The following TRIM63 variants were observed in gnomAD, a reference collection of about 807,000 sequenced individuals.
The protein encoded by TRIM63 is tripartite motif containing 63, also known as E3 ubiquitin-protein ligase TRIM63.
In TRIM63, 48 loss-of-function variants were observed where a neutral mutation model predicts 46.0. The ratio of observed to expected loss-of-function variants is 1.04; its 90% confidence interval spans 0.83 to 1.33. TRIM63 has a LOEUF of 1.33. Ranked by LOEUF, TRIM63 falls within the 40% of genes most tolerant of loss-of-function variation. The pLI is 0.00. For missense variants in TRIM63, 455 were observed against 441.2 expected (o/e 1.03, Z -0.28); for synonymous variants, 175 against 162.8 (o/e 1.08, Z -0.57).
intron 2 of TRIM63, among the ~76,000 whole-genome samples, chr1:26,062,539 T>C (rs1009051450): frequency 3.6e-4 from 55 of 152,218 alleles, no homozygotes; most frequent in Non-Finnish European, 7.3e-5. Context: ...GTATGCCCCA[T>C]GTCATGGTGA....
intron 2 of TRIM63, among the ~76,000 whole-genome samples, chr1:26,062,740 C>A (rs919709525): frequency 1.8e-4 from 28 of 152,142 alleles, no homozygotes; most frequent in African/African-American, 6.8e-4. Context: ...CATTTCCTAA[C>A]CTAGATTCAT....
At chr1:26,057,164 G>A (rs1259480905) in intron 7 of TRIM63, 39 bp downstream of exon 7, 3 of 1,602,216 alleles carry the variant, frequency 1.9e-6, no homozygotes, top group African/African-American at 1.3e-5. Flanking sequence ...CCAGGGGTCA[G>A]GCAGGCAAAT....
At position 26,061,273 on chromosome 1, in the gene TRIM63, T is replaced by C. The variant is rs760750291; in HGVS notation, c.394A>G (p.Ile132Val). The change falls in exon 3 of 9, where the codon ATC becomes GTC. Residue 132 changes from isoleucine to valine, a missense_variant. Physicochemically the swap from Ile to Val is conservative, Grantham distance 29. Coordinates refer to ENST00000374272, the MANE Select transcript of TRIM63 (RefSeq NM_032588.4). ...CKEHEDEKIN[I>V]YCLTCEVPTC... Reference sequence around the variant, plus strand: ...GGCACCTCACACGTGAGACAGTAGATGTTGATTTTCTCATCTTCGTGCTCC... The same window carrying C: ...GGCACCTCACACGTGAGACAGTAGACGTTGATTTTCTCATCTTCGTGCTCC... 29 of 1,614,040 alleles carry C rather than the reference T, an allele frequency of 1.8e-5. No homozygotes were observed. The highest frequency in any genetic ancestry group is 2.7e-5 in the African/African-American group (2 of 74,908).
intron 2 of TRIM63, 150 bp downstream of exon 2, chr1:26,066,118 G>A (rs1207987381): frequency 4.5e-6 from 4 of 892,060 alleles, no homozygotes; most frequent in Non-Finnish European, 7.0e-6. Context: ...GGGTGTATGG[G>A]TCTCCAGTCC....
chr1:26,058,637 T>G lies in TRIM63; in HGVS notation c.598-14A>C. On this transcript the variant is annotated splice_polypyrimidine_tract_variant and intron_variant, in intron 4 of 8. Transcript: ENST00000374272. ...GTGACTGTTCTCCTGAGGACGGAAG[T>G]CTTGTGGTCACGTTCTGTAGGGTCT... 1.2e-6 allele frequency: 2 copies of G among 1,612,280 alleles called. No homozygotes were observed. Among genetic ancestry groups the G allele is most frequent in the Non-Finnish European group, 1.7e-6 (2 of 1,178,566 alleles).
chr1:26,066,123 C>T, intron 2 of TRIM63, 145 bp downstream of exon 2: 1 of 938,286 alleles, frequency 1.1e-6, no homozygotes, highest in Non-Finnish European at 1.7e-6. Flanking sequence ...TATGGGTCTC[C>T]AGTCCTGTCT....
chr1:26,055,421 C>A (rs531002334), intron 7 of TRIM63, among the ~76,000 whole-genome samples: 22 of 152,252 alleles, frequency 1.4e-4, no homozygotes, highest in African/African-American at 5.1e-4. Context: ...TGTGGAGAAA[C>A]TGAGGCTCAG....
At chr1:26,059,497 C>T (rs1158910557) in intron 4 of TRIM63, among the ~76,000 whole-genome samples, 1 of 152,114 alleles carries the variant, frequency 6.6e-6, no homozygotes, top group Non-Finnish European at 1.5e-5. Flanking sequence ...CAGCTCCTTT[C>T]CTAGCACCCT....
chr1:26,053,818 C>T, intron 8 of TRIM63, 75 bp downstream of exon 8: 1 of 1,145,692 alleles, frequency 8.7e-7, no homozygotes. Context: ...CACAGTGCTT[C>T]ACATACAGTA....
At chr1:26,052,551 G>GC (rs1403917998) in intron 8 of TRIM63, among the ~76,000 whole-genome samples, 8 of 151,876 alleles carry the variant, frequency 5.3e-5, no homozygotes, top group Non-Finnish European at 1.2e-4. Context: ...TGCAAGCTCC[G>GC]CCCCCCTGGG....
chr1:26,062,455 G>A (rs1038538484), intron 2 of TRIM63, among the ~76,000 whole-genome samples: 40 of 152,124 alleles, frequency 2.6e-4, no homozygotes, highest in African/African-American at 9.4e-4. Flanking sequence ...CTTTCTAGCT[G>A]TATGGCCTTG....
chr1:26,066,452 A>T lies in TRIM63; in HGVS notation c.160-12T>A. On this transcript the variant is annotated splice_polypyrimidine_tract_variant and intron_variant, in intron 1 of 8. Transcript: ENST00000374272. ...TAGGGATTTGCAGCCTGCAGGTGGC[A>T]AAGGTCAAGGTGAGGCCTGGGCTCC... 6.4e-7 allele frequency: 1 copy of T among 1,564,008 alleles called. No individual in the cohort carries two copies. Among genetic ancestry groups the T allele is most frequent in the African/African-American group, 1.4e-5 (1 of 74,046 alleles).
At chr1:26,054,227 A>G (rs943176146) in intron 7 of TRIM63, among the ~76,000 whole-genome samples, 6 of 52,186 alleles carry the variant, frequency 1.1e-4, no homozygotes, top group African/African-American at 2.2e-4. Flanking sequence ...AGCAGCTTCT[A>G]TCACCTGCTC....
chr1:26,055,056 T>G (rs2050559133), intron 7 of TRIM63, among the ~76,000 whole-genome samples: 1 of 152,180 alleles, frequency 6.6e-6, no homozygotes, highest in Non-Finnish European at 1.5e-5. Context: ...CAGGGAGTTC[T>G]GTTGTTTAAT....
chr1:26,065,537 C>A (rs2050669569), intron 2 of TRIM63, among the ~76,000 whole-genome samples: 1 of 152,160 alleles, frequency 6.6e-6, no homozygotes, highest in African/African-American at 2.4e-5. Flanking sequence ...GAACTCCTGG[C>A]CTCAAACAAT....
chr1:26,052,618 C>T (rs1253892443), intron 8 of TRIM63, among the ~76,000 whole-genome samples: 1 of 152,150 alleles, frequency 6.6e-6, no homozygotes, highest in East Asian at 1.9e-4. Context: ...AGGTGCCCGT[C>T]ACCACGCCTG....
intron 2 of TRIM63, among the ~76,000 whole-genome samples, chr1:26,063,506 C>T (rs2050646356): frequency 6.6e-6 from 1 of 152,188 alleles, no homozygotes; most frequent in African/African-American, 2.4e-5. Flanking sequence ...CAGGGGTCTG[C>T]CATTGCCACC....
In TRIM63 at chr1:26,051,783, C is replaced by G; in HGVS notation, c.*90G>C. On this transcript the variant is annotated 3_prime_UTR_variant, in exon 9 of 9. Transcript: ENST00000374272. ...TGCCCCTCCAGGGGCCCCGACCCCTCCCACCCTGGGCCTGTCACCAAGGCC... is the reference window on the plus strand; with the variant it reads ...TGCCCCTCCAGGGGCCCCGACCCCTGCCACCCTGGGCCTGTCACCAAGGCC... The G allele has an allele frequency of 3.0e-5, 7 of 232,922 alleles. No homozygotes were observed. Among genetic ancestry groups the G allele is most frequent in the Non-Finnish European group, 3.7e-5 (4 of 107,466 alleles). 14.4% of individuals were successfully genotyped at this position (232,922 alleles called of 1,614,324 possible).
At chr1:26,052,838 T>C (rs562763180) in intron 8 of TRIM63, among the ~76,000 whole-genome samples, 3 of 152,344 alleles carry the variant, frequency 2.0e-5, no homozygotes, top group South Asian at 4.1e-4. Flanking sequence ...AAGTCCAGCA[T>C]TGTTTGCTTT....
Sources: gnomAD v4.1 joint callset for allele counts (sites outside exome capture counted in the v4.1 genomes callset) on GRCh38, gnomAD v4.1.1 for gene constraint, MANE v1.5 for transcripts, NCBI Gene and HGNC (gene_info 2026-07-23, HGNC 2026-07-21) for gene names.